Variants in PCLO observed in about 807,000 individuals in gnomAD.
The protein encoded by PCLO is protein piccolo.
Under a neutral mutation model 427.5 loss-of-function variants are expected in PCLO, and 82 were observed. The ratio of observed to expected loss-of-function variants is 0.19; its 90% confidence interval spans 0.16 to 0.23. The LOEUF (loss-of-function observed/expected upper bound fraction) is 0.23. Among genes scored for constraint, PCLO ranks in the 10% least tolerant of loss-of-function variants. PCLO has a pLI of 1.00. For synonymous variants in PCLO, 2,357 were observed against 2,155.4 expected (o/e 1.09, Z -2.59); for missense variants, 6,239 against 6,115.9 (o/e 1.02, Z -0.67).
chr7:82,870,046 C>T (rs1793193037), intron 10 of PCLO, among the ~76,000 whole-genome samples: 1 of 151,884 alleles, frequency 6.6e-6, no homozygotes, highest in Admixed American at 6.6e-5. Context: ...CAATCTCTAT[C>T]AAAATATCAA....
chr7:83,063,656 C>A (rs932809009), intron 3 of PCLO, among the ~76,000 whole-genome samples: 1 of 152,052 alleles, frequency 6.6e-6, no homozygotes, highest in African/African-American at 2.4e-5. Flanking sequence ...AGGATACTTT[C>A]AACTCATGAT....
At chr7:83,100,586 T>A (rs147078255) in intron 3 of PCLO, among the ~76,000 whole-genome samples, 4 of 152,118 alleles carry the variant, frequency 2.6e-5, no homozygotes, top group African/African-American at 9.7e-5. Flanking sequence ...TTCTCACTTA[T>A]AAGTGGGAGC....
At chr7:83,161,209 G>A (rs1246454383) in intron 1 of PCLO, among the ~76,000 whole-genome samples, 4 of 149,640 alleles carry the variant, frequency 2.7e-5, no homozygotes, top group South Asian at 2.1e-4. Context: ...GCAAAATTAT[G>A]CTTACGTGAT....
intron 6 of PCLO, among the ~76,000 whole-genome samples, chr7:82,941,588 C>A (rs1166282021): frequency 1.3e-5 from 2 of 152,042 alleles, no homozygotes; most frequent in Non-Finnish European, 2.9e-5. Flanking sequence ...GGATCACAAC[C>A]AAGCAACTGC....
At chr7:83,136,906 CTTTT>C (rs941499132) in intron 2 of PCLO, among the ~76,000 whole-genome samples, 2 of 151,848 alleles carry the variant, frequency 1.3e-5, no homozygotes, top group African/African-American at 4.8e-5. Flanking sequence ...TAACATTTAC[CTTTT>C]TTATTATTCT....
intron 3 of PCLO, among the ~76,000 whole-genome samples, chr7:83,043,400 C>T (rs568582107): frequency 2.6e-5 from 4 of 152,142 alleles, no homozygotes; most frequent in East Asian, 1.9e-4. Context: ...CCTAACATAT[C>T]GAAGAAATAC....
At chr7:82,867,305 T>C (rs1793120211) in intron 10 of PCLO, among the ~76,000 whole-genome samples, 1 of 152,204 alleles carries the variant, frequency 6.6e-6, no homozygotes, top group South Asian at 2.1e-4. Flanking sequence ...ATTCTAAGCA[T>C]GACATTATGT....
chr7:83,097,825 T>A (rs191480454), intron 3 of PCLO, among the ~76,000 whole-genome samples: 61 of 151,928 alleles, frequency 4.0e-4, no homozygotes, highest in African/African-American at 1.4e-3. Context: ...TTTTAAAAAC[T>A]TTTTAGCTGA....
At chr7:82,849,637 T>C (rs191688492) in intron 10 of PCLO, among the ~76,000 whole-genome samples, 1 of 152,300 alleles carries the variant, frequency 6.6e-6, no homozygotes, top group East Asian at 1.9e-4. Context: ...GTTCTAGTAG[T>C]TGTGAAAATT....
intron 3 of PCLO, among the ~76,000 whole-genome samples, chr7:83,125,095 G>C (rs1012881946): frequency 1.3e-5 from 2 of 151,128 alleles, no homozygotes; most frequent in Admixed American, 1.3e-4. Context: ...GCGTGATCTC[G>C]GCTCGCTACA....
intron 22 of PCLO, among the ~76,000 whole-genome samples, chr7:82,781,719 C>T (rs185077666): frequency 6.6e-6 from 1 of 152,256 alleles, no homozygotes; most frequent in East Asian, 1.9e-4. Context: ...CAAGGCAGAA[C>T]TCTAATCTTC....
At chr7:83,104,764 T>C (rs1490487832) in intron 3 of PCLO, among the ~76,000 whole-genome samples, 1 of 152,140 alleles carries the variant, frequency 6.6e-6, no homozygotes, top group Non-Finnish European at 1.5e-5. Context: ...TTACTTTTTC[T>C]ATTGACTTGA....
intron 20 of PCLO, among the ~76,000 whole-genome samples, chr7:82,814,973 T>C (rs1237020940): frequency 2.0e-5 from 3 of 151,976 alleles, no homozygotes; most frequent in Non-Finnish European, 4.4e-5. Flanking sequence ...CAATTACATA[T>C]GTCAAGATCA....
At chr7:83,096,633 G>A (rs987902085) in intron 3 of PCLO, among the ~76,000 whole-genome samples, 2 of 148,782 alleles carry the variant, frequency 1.3e-5, no homozygotes, top group Non-Finnish European at 3.0e-5. Context: ...TCAGCATGTC[G>A]AATTTTGTCT....
intron 3 of PCLO, among the ~76,000 whole-genome samples, chr7:82,995,674 G>T (rs892417294): frequency 6.6e-6 from 1 of 151,876 alleles, no homozygotes. Context: ...TTGGACCCAA[G>T]GCTGCTACTT....
chr7:82,776,833 T>TAC (rs202182868), intron 22 of PCLO, among the ~76,000 whole-genome samples: 1 of 58,246 alleles, frequency 1.7e-5, no homozygotes, highest in Non-Finnish European at 3.5e-5. Flanking sequence ...TCTCTCTATA[T>TAC]ATACACACAC....
chr7:82,920,726 G>C (rs748288460), intron 6 of PCLO, among the ~76,000 whole-genome samples: 37 of 151,556 alleles, frequency 2.4e-4, no homozygotes, highest in Admixed American at 9.2e-4. Context: ...GGAGTGTTAG[G>C]AATATTAATG....
rs772219493 is a variant in PCLO at position 82,951,143 on chromosome 7, C to A, written c.9445G>T (p.Ala3149Ser). 2 of 1,613,710 alleles carry A rather than the reference C, an allele frequency of 1.2e-6. No homozygotes were observed. The highest frequency in any genetic ancestry group is 1.7e-6 in the Non-Finnish European group (2 of 1,179,724). The change falls in exon 6 of 25, where the codon GCA becomes TCA. Residue 3149 changes from alanine to serine, a missense_variant. Coordinates refer to ENST00000333891, the MANE Select transcript of PCLO (RefSeq NM_033026.6). ...GTTACTGCAATGTCCGTTTCAGATGCACCTGTTGTTATAAAATATGATCTA... is the reference window on the plus strand; with the variant it reads ...GTTACTGCAATGTCCGTTTCAGATGAACCTGTTGTTATAAAATATGATCTA... ...MPRSYFITTG[A>S]SETDIAVTGI...
intron 22 of PCLO, among the ~76,000 whole-genome samples, chr7:82,762,882 T>A (rs563112591): frequency 6.6e-6 from 1 of 151,948 alleles, no homozygotes; most frequent in African/African-American, 2.4e-5. Context: ...CCTTAAGCAA[T>A]CCTCCTGCCT....
Sources: allele counts gnomAD v4.1 joint callset (sites outside exome capture counted in the v4.1 genomes callset), GRCh38; gene constraint gnomAD v4.1.1; transcripts MANE v1.5; gene names NCBI Gene and HGNC (gene_info 2026-07-23, HGNC 2026-07-21).